The following GALNT1 variants were observed in gnomAD, a reference collection of about 807,000 sequenced individuals.
The protein encoded by GALNT1 is polypeptide N-acetylgalactosaminyltransferase 1.
Under a neutral mutation model 65.7 loss-of-function variants are expected in GALNT1, and 17 were observed. The observed-to-expected ratio is 0.26, with a 90% CI of 0.18 to 0.39. The LOEUF (loss-of-function observed/expected upper bound fraction) is 0.39. GALNT1 is among the 10% of genes least tolerant of loss of function. The pLI is 1.00. For missense variants in GALNT1, 460 were observed against 672.8 expected (o/e 0.68, Z 3.50); for synonymous variants, 210 against 219.7 (o/e 0.96, Z 0.39).
intron 3 of GALNT1, among the ~76,000 whole-genome samples, chr18:35,669,410 A>G (rs765944173): frequency 5.3e-5 from 8 of 152,240 alleles, no homozygotes; most frequent in Non-Finnish European, 1.0e-4. Context: ...ACAAAGAAAT[A>G]TTACAGACCA....
Position 35,634,101 on chromosome 18 carries a change from G to A in GALNT1, c.-103-20459G>A, listed in dbSNP as rs183533167. Among the ~76,000 whole-genome samples the A allele has an allele frequency of 4.2e-4, 64 of 152,294 alleles. 1 individual carries two copies. In the East Asian group the frequency reaches 9.1e-3, roughly 22 times the overall value. ...CATTGTTTATTTAATCTGAGAAGGT[G>A]CCTCTAGAAATAATACCATTTAAAA... On this transcript the variant is annotated intron_variant, in intron 1 of 11. Coordinates refer to ENST00000269195, the MANE Select transcript of GALNT1 (RefSeq NM_020474.4).
At chr18:35,674,914 T>A (rs995232085) in intron 3 of GALNT1, among the ~76,000 whole-genome samples, 1 of 123,330 alleles carries the variant, frequency 8.1e-6, no homozygotes, top group African/African-American at 3.2e-5. Flanking sequence ...ACCCGGGAGG[T>A]GGAGCTTGCA....
chr18:35,678,322 T>A lies in GALNT1; in HGVS notation c.481+565T>A, dbSNP rs150920051. On this transcript the variant is annotated intron_variant, in intron 4 of 11. Transcript: ENST00000269195. ...AAGGTGGGATGTAATATGACTCTCA[T>A]AGTAAATCTCTACAGACTCTTGCCC... 1.3e-4 allele frequency among the ~76,000 whole-genome samples: 19 copies of A among 149,692 alleles called. No homozygotes were observed. The East Asian group carries it at 3.7e-3, about 29-fold the overall frequency.
intron 3 of GALNT1, among the ~76,000 whole-genome samples, chr18:35,667,447 G>A (rs1290412035): frequency 1.3e-5 from 2 of 151,938 alleles, no homozygotes; most frequent in Non-Finnish European, 2.9e-5. Context: ...GAAAGATAAG[G>A]ACTCATAGAA....
chr18:35,648,508 A>C (rs1196619893), intron 1 of GALNT1, among the ~76,000 whole-genome samples: 1 of 152,218 alleles, frequency 6.6e-6, no homozygotes, highest in Non-Finnish European at 1.5e-5. Flanking sequence ...GTAATTAATC[A>C]CTATACTTTG....
chr18:35,700,866 G>A (rs569413231), intron 9 of GALNT1, among the ~76,000 whole-genome samples: 19 of 152,252 alleles, frequency 1.2e-4, no homozygotes, highest in Non-Finnish European at 2.2e-4. Flanking sequence ...GAGAGCGAGA[G>A]AAGCTGAAGA....
At chr18:35,606,308 A>T (rs1412736769) in intron 1 of GALNT1, among the ~76,000 whole-genome samples, 2 of 152,224 alleles carry the variant, frequency 1.3e-5, no homozygotes, top group African/African-American at 4.8e-5. Flanking sequence ...GTGCAAACTT[A>T]TCATGTATTG....
intron 1 of GALNT1, among the ~76,000 whole-genome samples, chr18:35,638,539 T>TA (rs77779395): frequency 0.095 from 14,406 of 152,052 alleles, 821 homozygotes; most frequent in African/African-American, 0.17. Flanking sequence ...TAAACTAAGT[T>TA]ATCTAGATCA....
chr18:35,623,079 A>G (rs72960672), intron 1 of GALNT1, among the ~76,000 whole-genome samples: 14,488 of 152,164 alleles, frequency 0.095, 833 homozygotes, highest in African/African-American at 0.17. Context: ...AATTGGGTAT[A>G]CATCTTTTAA....
chr18:35,660,508 AT>A (rs1389056513), intron 2 of GALNT1, among the ~76,000 whole-genome samples: 1 of 152,150 alleles, frequency 6.6e-6, no homozygotes, highest in Non-Finnish European at 1.5e-5. Flanking sequence ...AAGTGATTTG[AT>A]TCTTAGAAAT....
intron 2 of GALNT1, among the ~76,000 whole-genome samples, chr18:35,661,843 G>A (rs1490804835): frequency 6.6e-6 from 1 of 152,114 alleles, no homozygotes; most frequent in Non-Finnish European, 1.5e-5. Flanking sequence ...AAACTGAGCA[G>A]CATGAAAACG....
At chr18:35,655,098 C>T (rs1449397491) in intron 2 of GALNT1, among the ~76,000 whole-genome samples, 1 of 151,990 alleles carries the variant, frequency 6.6e-6, no homozygotes, top group Non-Finnish European at 1.5e-5. Flanking sequence ...GTTGGGATAT[C>T]AAAATTGTAC....
chr18:35,601,694 T>G (rs1020144958), intron 1 of GALNT1, among the ~76,000 whole-genome samples: 1 of 152,204 alleles, frequency 6.6e-6, no homozygotes, highest in Admixed American at 6.5e-5. Context: ...TTGTTGAGAC[T>G]TGTTTTGTGG....
chr18:35,592,719 G>T (rs1646993785), intron 1 of GALNT1, among the ~76,000 whole-genome samples: 1 of 152,180 alleles, frequency 6.6e-6, no homozygotes, highest in African/African-American at 2.4e-5. Context: ...CAGTTGGGAA[G>T]CTCTTGCAGG....
intron 4 of GALNT1, among the ~76,000 whole-genome samples, chr18:35,680,531 TGAATGGGTG>T (rs2144593302): frequency 6.6e-6 from 1 of 152,330 alleles, no homozygotes; most frequent in Non-Finnish European, 1.5e-5. Context: ...AATTATATAA[TGAATGGGTG>T]AAAGAATAAT....
chr18:35,703,508 G>A lies in GALNT1; in HGVS notation c.1399-1G>A, dbSNP rs2048202651. On this transcript the variant is annotated splice_acceptor_variant, in intron 10 of 11. Coordinates refer to ENST00000269195, the MANE Select transcript of GALNT1 (RefSeq NM_020474.4). LOFTEE classifies it high-confidence loss of function. The stretch of plus-strand genomic sequence containing the variant: ...TTATGTGTGTGCATTTTTATTTCCA[G>A]GTTTTCTCTTATACTGCCAACAAAG... 1 of 1,610,954 alleles carries A rather than the reference G, an allele frequency of 6.2e-7. No homozygotes were observed. Among genetic ancestry groups the A allele is most frequent in the Non-Finnish European group, 8.5e-7 (1 of 1,178,994 alleles).
intron 1 of GALNT1, among the ~76,000 whole-genome samples, chr18:35,628,018 G>A (rs2046942572): frequency 6.6e-6 from 1 of 152,204 alleles, no homozygotes; most frequent in Non-Finnish European, 1.5e-5. Context: ...GCGAGGCTGG[G>A]GGAGGGGCAC....
At chr18:35,674,074 AATATGGT>A (rs1430898275) in intron 3 of GALNT1, among the ~76,000 whole-genome samples, 4 of 152,180 alleles carry the variant, frequency 2.6e-5, no homozygotes, top group Admixed American at 2.0e-4. Flanking sequence ...ATACAGTATA[AATATGGT>A]ATAAAAGATG....
chr18:35,646,634 A>G (rs2047234900), intron 1 of GALNT1, among the ~76,000 whole-genome samples: 1 of 152,208 alleles, frequency 6.6e-6, no homozygotes, highest in Non-Finnish European at 1.5e-5. Context: ...AGAGTGTTTA[A>G]TGACTCAGTC....
Sources: gnomAD v4.1 joint callset for allele counts (sites outside exome capture counted in the v4.1 genomes callset) on GRCh38, gnomAD v4.1.1 for gene constraint, MANE v1.5 for transcripts, NCBI Gene and HGNC (gene_info 2026-07-23, HGNC 2026-07-21) for gene names.